The following ATP6V1A variants were observed in gnomAD, a reference collection of about 807,000 sequenced individuals.
ATP6V1A encodes the protein V-type proton ATPase catalytic subunit A.
A neutral mutation model predicts 70.1 loss-of-function variants in ATP6V1A; 18 were observed. That is an observed-to-expected ratio of 0.26 (90% confidence interval 0.18 to 0.38). The LOEUF is 0.38. ATP6V1A is among the 10% of genes least tolerant of loss of function. The pLI is 1.00. For missense variants in ATP6V1A, 424 were observed against 772.4 expected, an observed-to-expected ratio of 0.55 and a Z score of 5.35; for synonymous variants, 232 against 253.8, an observed-to-expected ratio of 0.91 and a Z score of 0.82.
chr3:113,787,707 T>A (rs1284555793), intron 6 of ATP6V1A, among the ~76,000 whole-genome samples: 6 of 152,280 alleles, frequency 3.9e-5, no homozygotes, highest in East Asian at 1.9e-4. Context: ...GGTATAATTT[T>A]AAAAAAATAG....
At chr3:113,749,572 T>A (rs1708562235) in intron 1 of ATP6V1A, among the ~76,000 whole-genome samples, 2 of 152,284 alleles carry the variant, frequency 1.3e-5, no homozygotes, top group South Asian at 4.1e-4. Flanking sequence ...AGACTACTAC[T>A]AATCATCATC....
Position 113,809,470 on chromosome 3 carries a change from G to C in ATP6V1A, c.*43G>C. The C allele has an allele frequency of 7.8e-6, 12 of 1,547,722 alleles. No homozygotes were observed. The highest frequency in any genetic ancestry group is 1.7e-4 in the Middle Eastern group (1 of 5,918). ...ACTGTGATTTCCTTTTCCTCAGCAA[G>C]CTCCTATGTGTATATTTTCCTGAAT... On this transcript the variant is annotated 3_prime_UTR_variant, in exon 15 of 15. Transcript: ENST00000273398.
intron 3 of ATP6V1A, among the ~76,000 whole-genome samples, chr3:113,782,521 CCTT>C (rs1340467339): frequency 5.4e-5 from 7 of 128,612 alleles, no homozygotes; most frequent in Admixed American, 2.3e-4. Context: ...ATTTTTCTTT[CCTT>C]TCTCTCTCTC....
chr3:113,780,678 C>G (rs1364038094), intron 2 of ATP6V1A: 2 of 1,171,148 alleles, frequency 1.7e-6, no homozygotes, highest in East Asian at 1.1e-4. Flanking sequence ...ATACTACTAG[C>G]CAAACCATTT....
At chr3:113,809,294 A>T in intron 14 of ATP6V1A, 41 bp from the exon 15 acceptor site, 1 of 1,541,912 alleles carries the variant, frequency 6.5e-7, no homozygotes, top group Admixed American at 1.9e-5. Flanking sequence ...AATGAAAATT[A>T]TTTTCCAAAT....
At chr3:113,765,044 C>T (rs1708752823) in intron 1 of ATP6V1A, among the ~76,000 whole-genome samples, 1 of 147,922 alleles carries the variant, frequency 6.8e-6, no homozygotes, top group Non-Finnish European at 1.5e-5. Flanking sequence ...AATTCTGTTT[C>T]AGGTAGCTTT....
rs150353992 is a variant in ATP6V1A, at chr3:113,751,943, A to G, written c.-14+4830A>G. Reference sequence around the variant, plus strand: ...TGTTTTTAAAAATTAATGGTATATCATAAGTATTTTCAGATTTAAATTTTA... The same window carrying G: ...TGTTTTTAAAAATTAATGGTATATCGTAAGTATTTTCAGATTTAAATTTTA... On this transcript the variant is annotated intron_variant, in intron 1 of 14. Coordinates refer to ENST00000273398, the MANE Select transcript of ATP6V1A (RefSeq NM_001690.4). 4.3e-3 allele frequency among the ~76,000 whole-genome samples: 659 copies of G among 152,020 alleles called. 4 individuals are homozygous for G. Among genetic ancestry groups the G allele is most frequent in the African/African-American group, 0.014 (567 of 41,544 alleles).
intron 1 of ATP6V1A, among the ~76,000 whole-genome samples, chr3:113,761,118 T>G (rs556629492): frequency 7.9e-5 from 12 of 152,018 alleles, no homozygotes; most frequent in African/African-American, 2.9e-4. Context: ...TTTTTTCTTT[T>G]TTTTTGAGAC....
At chr3:113,798,189 A>T in intron 11 of ATP6V1A, 54 bp from the exon 12 acceptor site, 2 of 1,575,438 alleles carry the variant, frequency 1.3e-6, no homozygotes, top group Admixed American at 3.4e-5. Context: ...GTATTTTTTA[A>T]CTTTGTTTTT....
intron 2 of ATP6V1A, 40 bp downstream of exon 2, chr3:113,778,875 C>A: frequency 1.6e-6 from 2 of 1,283,044 alleles, no homozygotes; most frequent in South Asian, 2.9e-5. Flanking sequence ...GGATATCTAA[C>A]TTTGATTAAT....
chr3:113,805,628 G>A, intron 14 of ATP6V1A, 103 bp downstream of exon 14: 1 of 1,157,242 alleles, frequency 8.6e-7, no homozygotes, highest in Non-Finnish European at 1.2e-6. Context: ...GAGTGCAGTG[G>A]CATGATCTTG....
intron 1 of ATP6V1A, among the ~76,000 whole-genome samples, chr3:113,762,709 G>T (rs1469351055): frequency 6.6e-6 from 1 of 152,096 alleles, no homozygotes; most frequent in African/African-American, 2.4e-5. Context: ...TTGGCACTAC[G>T]AACTTGGAAT....
intron 12 of ATP6V1A, 157 bp from the exon 13 acceptor site, chr3:113,803,426 A>G (rs1709237879): frequency 4.9e-6 from 3 of 615,198 alleles, no homozygotes; most frequent in Non-Finnish European, 8.7e-6. Flanking sequence ...TTTTAACCAC[A>G]GTTTAAAAAG....
chr3:113,754,416 C>G (rs1708624715), intron 1 of ATP6V1A, among the ~76,000 whole-genome samples: 1 of 151,966 alleles, frequency 6.6e-6, no homozygotes, highest in Non-Finnish European at 1.5e-5. Flanking sequence ...ACCTGTAGTC[C>G]CAGCTACTCA....
At chr3:113,766,970 A>G (rs892048514) in intron 1 of ATP6V1A, among the ~76,000 whole-genome samples, 2 of 152,110 alleles carry the variant, frequency 1.3e-5, no homozygotes, top group Middle Eastern at 3.2e-3. Context: ...CCTATTTCTT[A>G]ATCAAATAAT....
chr3:113,776,086 C>T (rs1464329149), intron 1 of ATP6V1A, among the ~76,000 whole-genome samples: 3 of 152,106 alleles, frequency 2.0e-5, no homozygotes, highest in African/African-American at 4.8e-5. Context: ...CTGCCAGGCG[C>T]GGTGGCTCAT....
intron 1 of ATP6V1A, among the ~76,000 whole-genome samples, chr3:113,777,025 T>C (rs938723730): frequency 2.0e-5 from 3 of 152,254 alleles, no homozygotes; most frequent in Non-Finnish European, 2.9e-5. Context: ...TTATCACTTA[T>C]TGATCTATGA....
chr3:113,757,840 T>G (rs578009108), intron 1 of ATP6V1A, among the ~76,000 whole-genome samples: 1 of 152,328 alleles, frequency 6.6e-6, no homozygotes, highest in Admixed American at 6.5e-5. Flanking sequence ...GGTCAAATAG[T>G]CCTTTAGAAA....
At chr3:113,808,122 C>T (rs1464825901) in intron 14 of ATP6V1A, among the ~76,000 whole-genome samples, 1 of 145,922 alleles carries the variant, frequency 6.9e-6, no homozygotes, top group Non-Finnish European at 1.5e-5. Flanking sequence ...AAGAGCAAAA[C>T]TCTGTCTGAA....
Sources: allele counts gnomAD v4.1 joint callset (sites outside exome capture counted in the v4.1 genomes callset), GRCh38; gene constraint gnomAD v4.1.1; transcripts MANE v1.5; gene names NCBI Gene and HGNC (gene_info 2026-07-23, HGNC 2026-07-21).